Variants in SORCS2 observed in about 807,000 individuals in gnomAD.
SORCS2 encodes sortilin related VPS10 domain containing receptor 2.
A neutral mutation model predicts 141.6 loss-of-function variants in SORCS2; 100 were observed. The ratio of observed to expected loss-of-function variants is 0.71; its 90% CI spans 0.60 to 0.83. The LOEUF is 0.83. Among genes scored for constraint, SORCS2 ranks in the 40% least tolerant of loss-of-function variants. The probability of loss-of-function intolerance (pLI) is 0.00; values close to 1 mark genes in which losing one functional copy is unlikely to be tolerated. For missense variants in SORCS2, 1,646 were observed against 1,560.2 expected, an observed-to-expected ratio of 1.05 and a Z score of -0.93; for synonymous variants, 789 against 676.9, an observed-to-expected ratio of 1.17 and a Z score of -2.57.
chr4:7,396,263 C>T (rs779642908), intron 1 of SORCS2, 25 bp from the exon 2 acceptor site: 5 of 1,612,344 alleles, frequency 3.1e-6, no homozygotes, highest in Non-Finnish European at 4.2e-6. Flanking sequence ...TGATTTCTGC[C>T]TTTTACTTTC....
At chr4:7,366,887 CT>C (rs1400638663) in intron 1 of SORCS2, among the ~76,000 whole-genome samples, 1 of 152,222 alleles carries the variant, frequency 6.6e-6, no homozygotes, top group Non-Finnish European at 1.5e-5. Context: ...GAAGGCATTC[CT>C]TTGCTCCTTT....
At chr4:7,427,809 C>T (rs893646190) in intron 2 of SORCS2, among the ~76,000 whole-genome samples, 1 of 151,854 alleles carries the variant, frequency 6.6e-6, no homozygotes, top group African/African-American at 2.4e-5. Flanking sequence ...GAGAGCCTTT[C>T]CTGAGGGCCC....
At chr4:7,382,834 C>T (rs529477931) in intron 1 of SORCS2, among the ~76,000 whole-genome samples, 35 of 152,216 alleles carry the variant, frequency 2.3e-4, no homozygotes, top group African/African-American at 7.2e-4. Context: ...GCGGGGCCCA[C>T]GCCTCCTGCT....
intron 3 of SORCS2, among the ~76,000 whole-genome samples, chr4:7,560,809 A>G (rs1714481383): frequency 6.6e-6 from 1 of 152,114 alleles, no homozygotes; most frequent in Non-Finnish European, 1.5e-5. Context: ...CTGGGTAATG[A>G]GGTCTCCATT....
At chr4:7,445,189 A>T (rs528165612) in intron 2 of SORCS2, among the ~76,000 whole-genome samples, 2 of 152,324 alleles carry the variant, frequency 1.3e-5, no homozygotes, top group East Asian at 3.9e-4. Context: ...TGAGGGTGAG[A>T]GTCTCTGGGA....
At chr4:7,719,375 C>T (rs933494347) in intron 18 of SORCS2, among the ~76,000 whole-genome samples, 2 of 152,190 alleles carry the variant, frequency 1.3e-5, no homozygotes, top group African/African-American at 2.4e-5. Flanking sequence ...CCTCAAGTGG[C>T]GTCCTCTTGC....
chr4:7,390,673 T>A (rs568279480), intron 1 of SORCS2, among the ~76,000 whole-genome samples: 18 of 152,312 alleles, frequency 1.2e-4, no homozygotes, highest in African/African-American at 4.1e-4. Context: ...GGAGGCACCG[T>A]GAACTTCCCT....
intron 5 of SORCS2, among the ~76,000 whole-genome samples, chr4:7,661,239 G>A (rs6838781): frequency 0.021 from 2,597 of 124,400 alleles, 132 homozygotes; most frequent in South Asian, 0.049. Flanking sequence ...ACGTAAGGAA[G>A]ATGCAGAGAC....
chr4:7,691,372 G>A (rs1387674711), intron 11 of SORCS2, among the ~76,000 whole-genome samples: 3 of 152,186 alleles, frequency 2.0e-5, no homozygotes, highest in Non-Finnish European at 4.4e-5. Flanking sequence ...TGGGTGGAAG[G>A]GGGAACGTGG....
intron 1 of SORCS2, among the ~76,000 whole-genome samples, chr4:7,322,050 C>T (rs931031313): frequency 1.2e-4 from 18 of 152,296 alleles, no homozygotes; most frequent in African/African-American, 4.3e-4. Flanking sequence ...GCTTTTTCCT[C>T]CTGAGCCATG....
intron 14 of SORCS2, among the ~76,000 whole-genome samples, chr4:7,707,296 C>T (rs1216316797): frequency 6.6e-6 from 1 of 152,182 alleles, no homozygotes; most frequent in Non-Finnish European, 1.5e-5. Flanking sequence ...GGGAACTTGT[C>T]CTCACACTCA....
rs1430543194 is a variant in SORCS2, at chr4:7,373,511, C to T, written c.481-22777C>T. On this transcript the variant is annotated intron_variant, in intron 1 of 26. Coordinates refer to ENST00000507866, the MANE Select transcript of SORCS2 (RefSeq NM_020777.3). ...TTTTTTTTTTTTTTTTTTTTTGAGT[C>T]GGGGTCTCGCTCTGTCACCCTGGAA... 5.5e-4 allele frequency among the ~76,000 whole-genome samples: 29 copies of T among 53,110 alleles called. 1 individual carries two copies. The highest frequency in any genetic ancestry group is 1.4e-3 in the African/African-American group (14 of 10,110). The allele number at this position is 53,110 out of a possible 152,430, so 34.8% of individuals were successfully genotyped here.
intron 20 of SORCS2, 146 bp from the exon 21 acceptor site, chr4:7,726,634 C>T: frequency 2.0e-6 from 2 of 1,021,204 alleles, no homozygotes; most frequent in Non-Finnish European, 2.8e-6. Flanking sequence ...TGGGTGCTGC[C>T]ACCACAGGAT....
chr4:7,375,510 A>C (rs1340351168), intron 1 of SORCS2, among the ~76,000 whole-genome samples: 1 of 152,122 alleles, frequency 6.6e-6, no homozygotes, highest in Non-Finnish European at 1.5e-5. Context: ...GCCAGTGAGA[A>C]GCCTTTTCTC....
intron 3 of SORCS2, among the ~76,000 whole-genome samples, chr4:7,596,613 G>A (rs944492357): frequency 3.3e-5 from 5 of 152,052 alleles, no homozygotes; most frequent in African/African-American, 9.7e-5. Flanking sequence ...TTCTTTTAAC[G>A]TAATTTGCAA....
chr4:7,602,561 G>A (rs1163325499), intron 3 of SORCS2, among the ~76,000 whole-genome samples: 7 of 151,430 alleles, frequency 4.6e-5, no homozygotes, highest in South Asian at 4.2e-4. Flanking sequence ...ATGGGATGGC[G>A]GCGGCCGGGA....
chr4:7,304,885 T>C (rs939310797), intron 1 of SORCS2, among the ~76,000 whole-genome samples: 1 of 152,218 alleles, frequency 6.6e-6, no homozygotes, highest in Non-Finnish European at 1.5e-5. Context: ...TTCCAATGTT[T>C]GGGGCTGGGT....
intron 26 of SORCS2, among the ~76,000 whole-genome samples, chr4:7,737,805 C>G (rs1712317835): frequency 1.3e-5 from 2 of 152,218 alleles, no homozygotes; most frequent in South Asian, 4.1e-4. Context: ...GGGCTGCTCG[C>G]TGTCAGGGTC....
intron 19 of SORCS2, among the ~76,000 whole-genome samples, chr4:7,724,327 A>G (rs1178410814): frequency 0.024 from 1,638 of 67,060 alleles, 3 homozygotes; most frequent in Middle Eastern, 0.092. Flanking sequence ...TGGTGGTGAT[A>G]GGGTGATGGT....
Sources: gnomAD v4.1 joint callset for allele counts (sites outside exome capture counted in the v4.1 genomes callset) on GRCh38, gnomAD v4.1.1 for gene constraint, MANE v1.5 for transcripts, NCBI Gene and HGNC (gene_info 2026-07-23, HGNC 2026-07-21) for gene names.